The following RNF216 variants were observed in gnomAD, a reference collection of about 807,000 sequenced individuals.
The protein encoded by RNF216 is E3 ubiquitin-protein ligase RNF216.
RNF216 carries 72 observed loss-of-function variants against 110.8 expected under a neutral mutation model. That is an observed-to-expected ratio of 0.65 (90% confidence interval 0.54 to 0.79). The LOEUF is 0.79. Among genes scored for constraint, RNF216 ranks in the 30% least tolerant of loss-of-function variants. RNF216 has a pLI of 0.00. For missense variants in RNF216, 1,342 were observed against 1,141.2 expected (o/e 1.18, Z -2.54); for synonymous variants, 495 against 407.5 (o/e 1.21, Z -2.59).
At chr7:5,646,388 C>CAAAACAAAAGG (rs1306710086) in intron 14 of RNF216, among the ~76,000 whole-genome samples, 1 of 149,474 alleles carries the variant, frequency 6.7e-6, no homozygotes, top group African/African-American at 2.5e-5. Context: ...CAAAACAAAA[C>CAAAACAAAAGG]AAAACAAAAG....
Position 5,622,855 on chromosome 7 carries a change from G to A in RNF216, c.*5C>T. 1 of 1,592,900 alleles carries A rather than the reference G, an allele frequency of 6.3e-7. No homozygotes were observed. On this transcript the variant is annotated 3_prime_UTR_variant, in exon 17 of 17. Coordinates refer to ENST00000389902, the MANE Select transcript of RNF216 (RefSeq NM_207111.4). The stretch of plus-strand genomic sequence containing the variant: ...TTTGTGCTGCTCAATGGGGATTCGG[G>A]GCCATCAGAAGCGATGCCGCGGCTG...
chr7:5,761,536 C>T (rs1216040275), intron 1 of RNF216, among the ~76,000 whole-genome samples: 1 of 152,098 alleles, frequency 6.6e-6, no homozygotes, highest in African/African-American at 2.4e-5. Context: ...GCCTACAATC[C>T]CAGCACTTTG....
intron 13 of RNF216, among the ~76,000 whole-genome samples, chr7:5,665,442 A>C (rs1789445784): frequency 6.6e-6 from 1 of 152,190 alleles, no homozygotes; most frequent in Admixed American, 6.5e-5. Context: ...CCAGGCTTTG[A>C]AAAAAGAAAT....
At chr7:5,767,391 G>T (rs1796261063) in intron 1 of RNF216, among the ~76,000 whole-genome samples, 2 of 152,112 alleles carry the variant, frequency 1.3e-5, no homozygotes, top group Non-Finnish European at 1.5e-5. Flanking sequence ...AGAGTTTGGG[G>T]CTGCCAAAGT....
At position 5,714,103 on chromosome 7, in the gene RNF216, C is replaced by T. The variant is rs145070924; in HGVS notation, c.1833+950G>A. Among the ~76,000 whole-genome samples, 523 of 152,250 alleles carry T rather than the reference C, an allele frequency of 3.4e-3. 2 individuals carry two copies. The highest frequency in any genetic ancestry group is 0.012 in the African/African-American group (488 of 41,528). On this transcript the variant is annotated intron_variant, in intron 11 of 16. Transcript: ENST00000389902. ...CTAAGCCTCCCGAGTAGCTGGATTA[C>T]AGGCACCCACCACCACACCTGGCTA... is the stretch of plus-strand genomic sequence containing the variant.
chr7:5,668,323 A>G (rs189751255), intron 13 of RNF216, among the ~76,000 whole-genome samples: 1 of 150,528 alleles, frequency 6.6e-6, no homozygotes, highest in Non-Finnish European at 1.5e-5. Flanking sequence ...TCCCAGGTTC[A>G]CACCATTCTC....
intron 15 of RNF216, among the ~76,000 whole-genome samples, chr7:5,628,608 C>T (rs982073641): frequency 1.1e-4 from 16 of 152,162 alleles, no homozygotes; most frequent in Admixed American, 3.3e-4. Context: ...CTGCAGCCTC[C>T]ACCTCCTGGG....
chr7:5,677,029 A>G (rs1790343073), intron 13 of RNF216, among the ~76,000 whole-genome samples: 1 of 152,240 alleles, frequency 6.6e-6, no homozygotes, highest in Non-Finnish European at 1.5e-5. Flanking sequence ...ACCTCGTAAG[A>G]GAACTAACTA....
chr7:5,644,613 T>G (rs552550324), intron 14 of RNF216, among the ~76,000 whole-genome samples: 1 of 151,568 alleles, frequency 6.6e-6, no homozygotes, highest in East Asian at 2.0e-4. Flanking sequence ...TCAAGTGATT[T>G]CCCACCTCAG....
rs1468201097 is a variant in RNF216, at chr7:5,677,664, C to T, written c.2062-25154G>A. ...AACAGGTCTGGAATTACCATTCAAT[C>T]GCTATGAGAGTAGGTGAATCCCCTT... On this transcript the variant is annotated intron_variant, in intron 13 of 16. Coordinates refer to ENST00000389902, the MANE Select transcript of RNF216 (RefSeq NM_207111.4). 5.3e-5 allele frequency among the ~76,000 whole-genome samples: 8 copies of T among 152,174 alleles called. No individual in the cohort carries two copies. The East Asian group carries it at 5.8e-4, about 11-fold the overall frequency.
At chr7:5,750,054 A>G (rs771910390) in intron 3 of RNF216, among the ~76,000 whole-genome samples, 1 of 152,212 alleles carries the variant, frequency 6.6e-6, no homozygotes, top group African/African-American at 2.4e-5. Flanking sequence ...AGAATTTGCA[A>G]ACTATTCATG....
chr7:5,645,149 C>T (rs1787979713), intron 14 of RNF216, among the ~76,000 whole-genome samples: 2 of 152,130 alleles, frequency 1.3e-5, no homozygotes, highest in Admixed American at 6.5e-5. Context: ...TGTTCTCTTA[C>T]TGCTTTCAAG....
intron 13 of RNF216, among the ~76,000 whole-genome samples, chr7:5,690,164 A>G (rs1791245011): frequency 6.6e-6 from 1 of 151,148 alleles, no homozygotes; most frequent in African/African-American, 2.4e-5. Context: ...TGTCTCTACT[A>G]AAAATACAAA....
At chr7:5,775,211 T>C (rs919009525) in intron 1 of RNF216, 25 of 152,140 alleles carry the variant, frequency 1.6e-4, no homozygotes, top group Non-Finnish European at 5.9e-5. Context: ...TTTCTTCAGT[T>C]ATCAAGTATT....
intron 3 of RNF216, among the ~76,000 whole-genome samples, chr7:5,742,785 A>G (rs1038930751): frequency 9.3e-5 from 14 of 151,026 alleles, no homozygotes; most frequent in African/African-American, 3.4e-4. Context: ...TGTTAGAGAC[A>G]GGGTTTTGCC....
intron 13 of RNF216, among the ~76,000 whole-genome samples, chr7:5,710,022 G>C (rs1418745989): frequency 1.3e-5 from 2 of 152,156 alleles, no homozygotes; most frequent in African/African-American, 4.8e-5. Flanking sequence ...TCAAAGTGCT[G>C]GGATTACAGG....
At chr7:5,672,407 T>A (rs886290037) in intron 13 of RNF216, among the ~76,000 whole-genome samples, 1 of 152,198 alleles carries the variant, frequency 6.6e-6, no homozygotes, top group Non-Finnish European at 1.5e-5. Context: ...GTTATGTTTG[T>A]TAAATTTAAT....
At position 5,711,803 on chromosome 7, in the gene RNF216, A is replaced by C. The variant is rs767238439; in HGVS notation, c.2019T>G (p.Ser673Arg). 3.1e-6 allele frequency: 5 copies of C among 1,613,832 alleles called. No homozygotes were observed. Among genetic ancestry groups the C allele is most frequent in the Non-Finnish European group, 4.2e-6 (5 of 1,179,946 alleles). The change falls in exon 13 of 17, where the codon AGT becomes AGG. Residue 673 changes from serine to arginine, a missense_variant. Physicochemically the swap from Ser to Arg is moderately radical, Grantham distance 110. Transcript: ENST00000389902. ...TAGGACAGCTGAACCTCTTCACATCACTGTCCAACAGAGCCGGAAAGCTAC... is the reference window on the plus strand; with the variant it reads ...TAGGACAGCTGAACCTCTTCACATCCCTGTCCAACAGAGCCGGAAAGCTAC... Reference protein sequence around the residue: ...PSCSFPALLDSDVKRFSCPNP... With the variant: ...PSCSFPALLDRDVKRFSCPNP...
At chr7:5,736,895 T>A (rs1194194440) in intron 5 of RNF216, among the ~76,000 whole-genome samples, 10 of 150,890 alleles carry the variant, frequency 6.6e-5, no homozygotes, top group Non-Finnish European at 1.3e-4. Context: ...AGCCGCCCCG[T>A]CCGGGAAGTG....
Sources: gnomAD v4.1 joint callset for allele counts (sites outside exome capture counted in the v4.1 genomes callset) on GRCh38, gnomAD v4.1.1 for gene constraint, MANE v1.5 for transcripts, NCBI Gene and HGNC (gene_info 2026-07-23, HGNC 2026-07-21) for gene names.